Variants in RALGAPA1 observed in about 807,000 individuals in gnomAD.
RALGAPA1 encodes Ral GTPase activating protein catalytic subunit alpha 1.
In RALGAPA1, 52 loss-of-function variants were observed where a neutral mutation model predicts 269.6. The observed-to-expected ratio is 0.19, with a 90% CI of 0.15 to 0.24. The LOEUF is 0.24. RALGAPA1 is among the 10% of genes least tolerant of loss of function. The probability of loss-of-function intolerance (pLI) is 1.00; values close to 1 mark genes in which losing one functional copy is unlikely to be tolerated. For missense variants in RALGAPA1, 1,917 were observed against 3,013.9 expected (o/e 0.64, Z 8.52); for synonymous variants, 817 against 1,008.3 (o/e 0.81, Z 3.60).
At chr14:35,725,675 T>G (rs568423502) in intron 13 of RALGAPA1, among the ~76,000 whole-genome samples, 1 of 151,072 alleles carries the variant, frequency 6.6e-6, no homozygotes, top group African/African-American at 2.4e-5. Context: ...CAAAGAAGCC[T>G]GGGCAACACA....
Position 35,655,933 on chromosome 14 carries a change from A to T in RALGAPA1, c.5388-18T>A. 6.2e-7 allele frequency: 1 copy of T among 1,612,834 alleles called. No homozygotes were observed. Among genetic ancestry groups the T allele is most frequent in the African/African-American group, 1.3e-5 (1 of 75,004 alleles). ...CTACACATCTGCAAAAAAGGCAAAC[A>T]ACAACGGTTACATAAAATGAAACCA... On this transcript the variant is annotated intron_variant, in intron 28 of 41. Coordinates refer to ENST00000680220, the MANE Select transcript of RALGAPA1 (RefSeq NM_001346249.2).
intron 31 of RALGAPA1, among the ~76,000 whole-genome samples, chr14:35,636,500 A>G (rs2061670298): frequency 6.6e-6 from 1 of 152,148 alleles, no homozygotes. Flanking sequence ...GACAAAGAAC[A>G]TCCAAACTTC....
At chr14:35,584,332 T>G (rs1004417699) in intron 37 of RALGAPA1, among the ~76,000 whole-genome samples, 1 of 152,116 alleles carries the variant, frequency 6.6e-6, no homozygotes, top group Non-Finnish European at 1.5e-5. Flanking sequence ...GGTGCAATCA[T>G]GGCCCACTGC....
intron 16 of RALGAPA1, among the ~76,000 whole-genome samples, chr14:35,715,422 C>G (rs1048579097): frequency 2.6e-5 from 4 of 151,762 alleles, no homozygotes; most frequent in Non-Finnish European, 5.9e-5. Context: ...TATCATTTTC[C>G]TCTTCAAACA....
chr14:35,657,445 C>T (rs138679872), intron 28 of RALGAPA1, among the ~76,000 whole-genome samples: 11,850 of 151,978 alleles, frequency 0.078, 600 homozygotes, highest in Middle Eastern at 0.14. Context: ...TCTCCTCGGC[C>T]TCCCAAAGTG....
At chr14:35,605,471 A>T in intron 36 of RALGAPA1, 115 bp downstream of exon 36, 1 of 1,061,070 alleles carries the variant, frequency 9.4e-7, no homozygotes, top group Non-Finnish European at 1.3e-6. Flanking sequence ...ATAACAAACT[A>T]GTTGTTAAGT....
At chr14:35,767,307 G>C (rs2074236480) in intron 4 of RALGAPA1, among the ~76,000 whole-genome samples, 1 of 152,140 alleles carries the variant, frequency 6.6e-6, no homozygotes, top group Admixed American at 6.5e-5. Context: ...ATAAGGCAAA[G>C]CTTAGAGGGA....
intron 12 of RALGAPA1, among the ~76,000 whole-genome samples, chr14:35,737,784 A>T (rs949665726): frequency 7.4e-5 from 10 of 134,430 alleles, no homozygotes; most frequent in African/African-American, 2.8e-4. Flanking sequence ...AAAAAAAAAA[A>T]AAAAAAAAAA....
chr14:35,583,631 T>C (rs986751850), intron 37 of RALGAPA1, among the ~76,000 whole-genome samples: 1 of 151,966 alleles, frequency 6.6e-6, no homozygotes, highest in African/African-American at 2.4e-5. Flanking sequence ...AGGGTAAATG[T>C]CAAAAAACTA....
At chr14:35,619,401 G>A (rs1303760701) in intron 35 of RALGAPA1, among the ~76,000 whole-genome samples, 2 of 152,084 alleles carry the variant, frequency 1.3e-5, no homozygotes, top group Non-Finnish European at 2.9e-5. Flanking sequence ...AAGCAGGAAA[G>A]ATCTAAAATC....
chr14:35,678,126 T>C (rs1276079082), intron 21 of RALGAPA1, 24 bp from the exon 22 acceptor site: 1 of 1,592,448 alleles, frequency 6.3e-7, no homozygotes, highest in African/African-American at 1.4e-5. Context: ...TTCATAAAAT[T>C]ACCATAAAGA....
intron 37 of RALGAPA1, among the ~76,000 whole-genome samples, chr14:35,593,312 A>C (rs2058742660): frequency 6.6e-6 from 1 of 152,228 alleles, no homozygotes; most frequent in Non-Finnish European, 1.5e-5. Flanking sequence ...TCTGAAAACT[A>C]TAAAACATTG....
rs556289432 is a variant in RALGAPA1 at position 35,556,032 on chromosome 14, C to A, written c.7497-6798G>T. Among the ~76,000 whole-genome samples, 570 of 152,178 alleles carry A rather than the reference C, an allele frequency of 3.7e-3. 3 individuals carry two copies. Among genetic ancestry groups the A allele is most frequent in the Non-Finnish European group, 7.1e-3 (480 of 67,982 alleles). Reference sequence around the variant, plus strand: ...CATTAGTGACTATACTACAGTAAAACCCCTTGCATGTTCTAAAATAAAAAT... The same window carrying A: ...CATTAGTGACTATACTACAGTAAAAACCCTTGCATGTTCTAAAATAAAAAT... On this transcript the variant is annotated intron_variant, in intron 39 of 41. Transcript: ENST00000680220.
chr14:35,632,614 T>C (rs2061427697), intron 33 of RALGAPA1, among the ~76,000 whole-genome samples: 1 of 152,158 alleles, frequency 6.6e-6, no homozygotes, highest in South Asian at 2.1e-4. Context: ...GGAGCCTCCT[T>C]TCACTCTGAC....
chr14:35,762,245 G>GTT (rs528378682), intron 5 of RALGAPA1, among the ~76,000 whole-genome samples: 1 of 147,978 alleles, frequency 6.8e-6, no homozygotes, highest in Non-Finnish European at 1.5e-5. Flanking sequence ...CTCTTGCTAC[G>GTT]TTTTTTTTTT....
intron 31 of RALGAPA1, among the ~76,000 whole-genome samples, chr14:35,635,906 T>C (rs1439009190): frequency 6.6e-6 from 1 of 152,234 alleles, no homozygotes; most frequent in Non-Finnish European, 1.5e-5. Context: ...ACTTATTCCA[T>C]TGCACAAGGA....
intron 16 of RALGAPA1, among the ~76,000 whole-genome samples, chr14:35,710,397 G>A (rs776563948): frequency 6.6e-6 from 1 of 152,040 alleles, no homozygotes; most frequent in Non-Finnish European, 1.5e-5. Flanking sequence ...CTGGGACAAC[G>A]GGCATGTGCC....
In RALGAPA1 at chr14:35,542,745, C is replaced by T. The variant is rs562153335; in HGVS notation, c.*24-3055G>A. Among the ~76,000 whole-genome samples the T allele has an allele frequency of 1.5e-3, 231 of 152,294 alleles. 1 individual carries two copies. The highest frequency in any genetic ancestry group is 2.6e-3 in the Admixed American group (40 of 15,302). On this transcript the variant is annotated intron_variant, in intron 41 of 41. Transcript: ENST00000680220. ...TCAAGGATGAGGTTTTAAAAGTACA[C>T]ATGAGCTCCTATGTTTGTGCATACC...
intron 12 of RALGAPA1, among the ~76,000 whole-genome samples, chr14:35,737,676 T>C (rs1382211983): frequency 7.3e-6 from 1 of 137,638 alleles, no homozygotes; most frequent in East Asian, 2.3e-4. Context: ...GGAGAATCAT[T>C]TGAACCCAGG....
Sources: allele counts gnomAD v4.1 joint callset (sites outside exome capture counted in the v4.1 genomes callset), GRCh38; gene constraint gnomAD v4.1.1; transcripts MANE v1.5; gene names NCBI Gene and HGNC (gene_info 2026-07-23, HGNC 2026-07-21).